Variants in EXOC6B observed in about 807,000 individuals in gnomAD.
EXOC6B encodes the protein exocyst complex component 6B.
Under a neutral mutation model 113.5 loss-of-function variants are expected in EXOC6B, and 54 were observed. The observed-to-expected ratio is 0.48, with a 90% CI of 0.38 to 0.60. The LOEUF (loss-of-function observed/expected upper bound fraction) is 0.60. Ranked by LOEUF, EXOC6B falls within the 20% of genes least tolerant of loss-of-function variation. EXOC6B has a pLI of 0.00. For missense variants in EXOC6B, 797 were observed against 977.5 expected (o/e 0.82, Z 2.46); for synonymous variants, 357 against 339.0 (o/e 1.05, Z -0.58).
intron 11 of EXOC6B, among the ~76,000 whole-genome samples, chr2:72,510,013 T>TAGTAGAG (rs1482156412): frequency 2.0e-5 from 3 of 152,138 alleles, no homozygotes; most frequent in Non-Finnish European, 4.4e-5. Context: ...TTTGTGTTTT[T>TAGTAGAG]AGTAGAGACG....
chr2:72,742,151 ACCAGTAACGATAAAATAAGTGTT>A (rs1681359719), intron 1 of EXOC6B, among the ~76,000 whole-genome samples: 1 of 152,008 alleles, frequency 6.6e-6, no homozygotes, highest in Non-Finnish European at 1.5e-5. Flanking sequence ...CTCTCCACCC[ACCAGTAACGATAAAATAAGTGTT>A]CCAAGCTCGT....
chr2:72,592,728 G>A (rs951936056), intron 6 of EXOC6B, among the ~76,000 whole-genome samples: 1 of 152,176 alleles, frequency 6.6e-6, no homozygotes, highest in Non-Finnish European at 1.5e-5. Flanking sequence ...AACTTCCTAA[G>A]TGACAGAGGT....
At chr2:72,613,982 T>C (rs1671235772) in intron 6 of EXOC6B, among the ~76,000 whole-genome samples, 1 of 152,176 alleles carries the variant, frequency 6.6e-6, no homozygotes, top group Admixed American at 6.5e-5. Context: ...AACACAGCCA[T>C]GTTCATTCAT....
intron 6 of EXOC6B, among the ~76,000 whole-genome samples, chr2:72,678,031 A>G (rs545473013): frequency 1.3e-5 from 2 of 152,310 alleles, no homozygotes; most frequent in South Asian, 4.2e-4. Context: ...TATTTAAAAG[A>G]ATAACAAACA....
chr2:72,768,103 G>A (rs1435164500), intron 1 of EXOC6B, among the ~76,000 whole-genome samples: 2 of 146,672 alleles, frequency 1.4e-5, no homozygotes, highest in Admixed American at 6.8e-5. Flanking sequence ...CAGCCTGGGG[G>A]CCAGAGTGAG....
intron 18 of EXOC6B, among the ~76,000 whole-genome samples, chr2:72,391,741 T>A (rs1028516343): frequency 8.5e-5 from 13 of 152,274 alleles, no homozygotes; most frequent in African/African-American, 2.9e-4. Flanking sequence ...ATTCTTAACA[T>A]CAAAAATAAA....
intron 8 of EXOC6B, among the ~76,000 whole-genome samples, chr2:72,529,628 G>A (rs1162785175): frequency 6.6e-6 from 1 of 152,020 alleles, no homozygotes; most frequent in Non-Finnish European, 1.5e-5. Context: ...TCTTTGGATT[G>A]TTTGTTTGTT....
At chr2:72,426,102 C>T (rs933726169) in intron 18 of EXOC6B, among the ~76,000 whole-genome samples, 9 of 152,136 alleles carry the variant, frequency 5.9e-5, no homozygotes, top group Admixed American at 5.9e-4. Flanking sequence ...TTAATTTCTA[C>T]CTCACTACAT....
At chr2:72,484,386 G>A (rs1403560009) in intron 16 of EXOC6B, among the ~76,000 whole-genome samples, 26 of 146,906 alleles carry the variant, frequency 1.8e-4, no homozygotes, top group Admixed American at 2.7e-4. Flanking sequence ...GTGAAACCCC[G>A]TCTCTACTAA....
chr2:72,638,277 T>C (rs1672986957), intron 6 of EXOC6B, among the ~76,000 whole-genome samples: 1 of 152,048 alleles, frequency 6.6e-6, no homozygotes, highest in Non-Finnish European at 1.5e-5. Context: ...CATTCCTAGA[T>C]GCAAACAACT....
intron 6 of EXOC6B, among the ~76,000 whole-genome samples, chr2:72,666,793 A>ACACACACACACACACT (rs1450153874): frequency 6.7e-6 from 1 of 149,712 alleles, no homozygotes; most frequent in African/African-American, 2.4e-5. Context: ...ACACACACAC[A>ACACACACACACACACT]CACACACACA....
At chr2:72,240,567 C>G (rs997156072) in intron 20 of EXOC6B, among the ~76,000 whole-genome samples, 1 of 151,986 alleles carries the variant, frequency 6.6e-6, no homozygotes, top group South Asian at 2.1e-4. Context: ...CGGATGTTAG[C>G]GAAAAATTAA....
intron 20 of EXOC6B, among the ~76,000 whole-genome samples, chr2:72,197,613 T>C (rs1488523844): frequency 6.6e-6 from 1 of 151,902 alleles, no homozygotes; most frequent in Admixed American, 6.6e-5. Context: ...ATCAGGAAGA[T>C]CTGAGACAAT....
At chr2:72,450,966 C>T (rs1179249710) in intron 18 of EXOC6B, among the ~76,000 whole-genome samples, 1 of 152,178 alleles carries the variant, frequency 6.6e-6, no homozygotes, top group African/African-American at 2.4e-5. Context: ...CCATGGACAA[C>T]TGCTGAAGGG....
intron 18 of EXOC6B, among the ~76,000 whole-genome samples, chr2:72,398,899 T>A (rs1692942374): frequency 6.6e-6 from 1 of 151,592 alleles, no homozygotes; most frequent in South Asian, 2.1e-4. Context: ...TAAAATAAAC[T>A]GTTTTCAATG....
intron 20 of EXOC6B, among the ~76,000 whole-genome samples, chr2:72,191,365 TG>T (rs1470364099): frequency 6.6e-6 from 1 of 152,202 alleles, no homozygotes; most frequent in Non-Finnish European, 1.5e-5. Flanking sequence ...TCTGATTTCA[TG>T]GAGGGTGGGA....
At position 72,495,351 on chromosome 2, in the gene EXOC6B, T is replaced by TTA. The variant is rs1699979719; in HGVS notation, c.1553+78_1553+79insTA. 109 of 761,058 alleles carry TTA rather than the reference T, an allele frequency of 1.4e-4. 1 individual carries two copies. In the South Asian group the frequency reaches 2.1e-3, roughly 15 times the overall value. The allele number at this position is 761,058 out of a possible 1,614,324, so 47.1% of individuals were successfully genotyped here. A position where few individuals can be genotyped will look rare whatever the true frequency, so the allele number is the denominator to read the frequency against. On this transcript the variant is annotated intron_variant, in intron 15 of 21. Transcript: ENST00000272427. ...TCCAAAATCAGGGCTGACGGGACTA[T>TTA]CAAAAGTTTTTCAGAATATGTAAAT... is the stretch of plus-strand genomic sequence containing the variant.
At chr2:72,603,299 A>C (rs1670541501) in intron 6 of EXOC6B, among the ~76,000 whole-genome samples, 1 of 152,106 alleles carries the variant, frequency 6.6e-6, no homozygotes, top group Non-Finnish European at 1.5e-5. Flanking sequence ...CACTTTTAAA[A>C]GATGGAAGTA....
At chr2:72,685,225 T>C (rs1676999205) in intron 6 of EXOC6B, among the ~76,000 whole-genome samples, 1 of 152,170 alleles carries the variant, frequency 6.6e-6, no homozygotes, top group Admixed American at 6.5e-5. Context: ...TTTCTGTATG[T>C]TTGAAATTTT....
Sources: gnomAD v4.1 joint callset for allele counts (sites outside exome capture counted in the v4.1 genomes callset) on GRCh38, gnomAD v4.1.1 for gene constraint, MANE v1.5 for transcripts, NCBI Gene and HGNC (gene_info 2026-07-23, HGNC 2026-07-21) for gene names.